Variants in ABLIM1 observed in about 807,000 individuals in gnomAD.
The protein encoded by ABLIM1 is actin-binding LIM protein 1.
ABLIM1 carries 40 observed loss-of-function variants against 107.0 expected under a neutral mutation model. The ratio of observed to expected loss-of-function variants is 0.37; its 90% CI spans 0.29 to 0.49. ABLIM1 has a LOEUF of 0.49. ABLIM1 is among the 20% of genes least tolerant of loss of function. The pLI, the probability that ABLIM1 is intolerant of heterozygous loss-of-function variation, is 0.97. For missense variants in ABLIM1, 857 were observed against 1,008.5 expected, an observed-to-expected ratio of 0.85 and a Z score of 2.04; for synonymous variants, 357 against 357.3, an observed-to-expected ratio of 1.00 and a Z score of 0.01.
intron 1 of ABLIM1, among the ~76,000 whole-genome samples, chr10:114,652,554 TTC>T (rs1164800004): frequency 2.0e-5 from 3 of 152,156 alleles, no homozygotes; most frequent in Admixed American, 6.5e-5. Context: ...TGAACCACCT[TTC>T]TCTCTTCTGG....
At chr10:114,448,441 T>C (rs184386241) in intron 14 of ABLIM1, among the ~76,000 whole-genome samples, 11 of 152,174 alleles carry the variant, frequency 7.2e-5, no homozygotes, top group Non-Finnish European at 1.5e-4. Flanking sequence ...TTATAGAAAG[T>C]TCCAGTGGAC....
At chr10:114,787,549 C>T in the ABLIM1 span, among the ~76,000 whole-genome samples, 1 of 149,096 alleles carries the variant, frequency 6.7e-6, no homozygotes, top group East Asian at 2.1e-4. Context: ...CAGCCCCCCG[C>T]CCGGCCAGCC....
At chr10:114,572,876 G>A (rs1378793217) in intron 3 of ABLIM1, among the ~76,000 whole-genome samples, 6 of 152,200 alleles carry the variant, frequency 3.9e-5, no homozygotes, top group Non-Finnish European at 5.9e-5. Context: ...AGAGGCACTC[G>A]TGCTCCGTGG....
At chr10:114,665,282 G>A (rs1325402354) in intron 1 of ABLIM1, among the ~76,000 whole-genome samples, 1 of 152,178 alleles carries the variant, frequency 6.6e-6, no homozygotes, top group Non-Finnish European at 1.5e-5. Context: ...CCTCCATGCT[G>A]CACTCTGATT....
chr10:114,581,815 G>T (rs144211568), intron 2 of ABLIM1, among the ~76,000 whole-genome samples: 1 of 152,068 alleles, frequency 6.6e-6, no homozygotes, highest in East Asian at 1.9e-4. Flanking sequence ...CAGTGATGAG[G>T]GCCATGTGCT....
intron 14 of ABLIM1, among the ~76,000 whole-genome samples, chr10:114,448,240 T>C (rs2061341730): frequency 6.6e-6 from 1 of 152,254 alleles, no homozygotes; most frequent in Non-Finnish European, 1.5e-5. Flanking sequence ...ATTCTACATG[T>C]GTTCTACATC....
At position 114,468,189 on chromosome 10, in the gene ABLIM1, A is replaced by G; in HGVS notation, c.1303T>C (p.Ser435Pro). ...AAAGAAATGGTACTTACTTCTGCTGATGGAGTAGGAGACAAAGTCCTCGGA... is the reference window on the plus strand; with the variant it reads ...AAAGAAATGGTACTTACTTCTGCTGGTGGAGTAGGAGACAAAGTCCTCGGA... ...ESPRTLSPTPSAEGYQDVRDR... is the reference protein window; with the variant it reads ...ESPRTLSPTPPAEGYQDVRDR... The change falls in exon 11 of 23, where the codon TCA becomes CCA. Residue 435 changes from serine to proline, a missense_variant. Ser to Pro is a moderately conservative substitution (Grantham distance 74). Coordinates refer to ENST00000533213, the MANE Select transcript of ABLIM1 (RefSeq NM_002313.7). 1.2e-6 allele frequency: 2 copies of G among 1,613,200 alleles called. No individual in the cohort carries two copies. Among genetic ancestry groups the G allele is most frequent in the Non-Finnish European group, 1.7e-6 (2 of 1,179,104 alleles).
intron 1 of ABLIM1, among the ~76,000 whole-genome samples, chr10:114,667,070 C>T (rs2080056327): frequency 6.6e-6 from 1 of 152,154 alleles, no homozygotes; most frequent in Non-Finnish European, 1.5e-5. Context: ...CACAGGCCTA[C>T]CATGGCCTTT....
At chr10:114,739,018 A>C (rs1591918424) in intron 1 of ABLIM1, among the ~76,000 whole-genome samples, 1 of 152,362 alleles carries the variant, frequency 6.6e-6, no homozygotes, top group African/African-American at 2.4e-5. Context: ...GAATAGGCAG[A>C]GAAGTAGAAG....
chr10:114,655,689 G>A (rs2141162546), intron 1 of ABLIM1, among the ~76,000 whole-genome samples: 1 of 152,310 alleles, frequency 6.6e-6, no homozygotes, highest in Admixed American at 6.5e-5. Context: ...GGCATACTCA[G>A]CTGGTTCTGA....
intron 2 of ABLIM1, among the ~76,000 whole-genome samples, chr10:114,592,681 G>C (rs1056552232): frequency 2.0e-5 from 3 of 152,118 alleles, no homozygotes; most frequent in Admixed American, 2.0e-4. Context: ...GCTTATCTTT[G>C]GGATAATGAT....
chr10:114,587,537 TA>T (rs1326352641), intron 2 of ABLIM1, among the ~76,000 whole-genome samples: 1 of 152,190 alleles, frequency 6.6e-6, no homozygotes, highest in Non-Finnish European at 1.5e-5. Context: ...TGAAAGGGAA[TA>T]ATGTTATTCT....
rs60775863 is a variant in ABLIM1, at chr10:114,718,043, G to GAGAAAGAAAGAA, written c.-213+50006_-213+50017dup. On this transcript the variant is annotated intron_variant, in intron 1 of 15. Transcript: ENST00000651092. ...GGAAGGAAGGAAGGAGAAAGAGAAA[G>GAGAAAGAAAGAA]AGAAAGAAAGAAAGAAAGAAAGGAA... Among the ~76,000 whole-genome samples, 182 of 77,150 alleles carry GAGAAAGAAAGAA rather than the reference G, an allele frequency of 2.4e-3. 5 individuals carry two copies. The highest frequency in any genetic ancestry group is 0.019 in the East Asian group (54 of 2,842). 50.6% of individuals were successfully genotyped at this position (77,150 alleles called of 152,430 possible).
At chr10:114,555,641 C>A (rs759844291) in intron 4 of ABLIM1, among the ~76,000 whole-genome samples, 4 of 152,126 alleles carry the variant, frequency 2.6e-5, no homozygotes, top group Non-Finnish European at 4.4e-5. Flanking sequence ...TAGGGAGAAA[C>A]TTTATGCATC....
intron 10 of ABLIM1, among the ~76,000 whole-genome samples, chr10:114,472,600 G>C (rs890714265): frequency 6.6e-6 from 1 of 152,022 alleles, no homozygotes; most frequent in Admixed American, 6.6e-5. Context: ...AATTTAGGGG[G>C]TGTGTTCTCT....
At chr10:114,632,891 C>A in intron 1 of ABLIM1, 1 of 603,650 alleles carries the variant, frequency 1.7e-6, no homozygotes, top group Non-Finnish European at 2.1e-6. Context: ...GCAGCAACTC[C>A]TCAGGAGGCT....
chr10:114,487,879 A>T, intron 8 of ABLIM1, 79 bp downstream of exon 8: 1 of 1,545,896 alleles, frequency 6.5e-7, no homozygotes, highest in African/African-American at 1.4e-5. Flanking sequence ...TTTCACCTAA[A>T]CCCTAGCCCC....
chr10:114,620,551 A>C (rs895531960), intron 1 of ABLIM1, among the ~76,000 whole-genome samples: 1 of 152,070 alleles, frequency 6.6e-6, no homozygotes, highest in Non-Finnish European at 1.5e-5. Context: ...CTGGAATTAC[A>C]GTTATGCACC....
At chr10:114,525,589 A>G (rs910999460) in intron 6 of ABLIM1, among the ~76,000 whole-genome samples, 1 of 152,234 alleles carries the variant, frequency 6.6e-6, no homozygotes, top group Non-Finnish European at 1.5e-5. Context: ...GTACGCAGTG[A>G]CTCAACAAGC....
Sources: allele counts gnomAD v4.1 joint callset (sites outside exome capture counted in the v4.1 genomes callset), GRCh38; gene constraint gnomAD v4.1.1; transcripts MANE v1.5; gene names NCBI Gene and HGNC (gene_info 2026-07-23, HGNC 2026-07-21).